The following FRAS1 variants were observed in gnomAD, a reference collection of about 807,000 sequenced individuals.
FRAS1 encodes the protein extracellular matrix organizing protein FRAS1.
In FRAS1, 290 loss-of-function variants were observed where a neutral mutation model predicts 435.2. The observed-to-expected ratio is 0.67, with a 90% CI of 0.61 to 0.73. FRAS1 has a LOEUF of 0.73. Among genes scored for constraint, FRAS1 ranks in the 30% least tolerant of loss-of-function variants. The pLI is 0.00. For synonymous variants in FRAS1, 1,800 were observed against 1,851.0 expected (o/e 0.97, Z 0.71); for missense variants, 4,860 against 5,001.5 (o/e 0.97, Z 0.85).
chr4:78,357,658 T>G (rs1730910718), intron 20 of FRAS1, among the ~76,000 whole-genome samples: 1 of 152,116 alleles, frequency 6.6e-6, no homozygotes. Flanking sequence ...TCCCATCACT[T>G]TGGGAAACCA....
intron 71 of FRAS1, 120 bp downstream of exon 71, chr4:78,534,735 C>G: frequency 1.1e-6 from 1 of 939,494 alleles, no homozygotes; most frequent in East Asian, 2.7e-5. Flanking sequence ...TAAAGATCCC[C>G]CAGGGTTGGT....
chr4:78,256,106 T>C (rs993551291), intron 6 of FRAS1, among the ~76,000 whole-genome samples: 4 of 152,214 alleles, frequency 2.6e-5, no homozygotes, highest in South Asian at 4.1e-4. Context: ...ATTCAGTTGA[T>C]ACAAAGCAGT....
At chr4:78,220,838 A>AT (rs996234710) in intron 2 of FRAS1, among the ~76,000 whole-genome samples, 2 of 152,060 alleles carry the variant, frequency 1.3e-5, no homozygotes, top group African/African-American at 4.8e-5. Context: ...TACTAGTAGC[A>AT]TTTTTTTCTT....
At chr4:78,498,907 G>T (rs1438125908) in intron 60 of FRAS1, among the ~76,000 whole-genome samples, 3 of 151,582 alleles carry the variant, frequency 2.0e-5, no homozygotes, top group Admixed American at 1.3e-4. Flanking sequence ...GAGTGCAGTG[G>T]GGCAATTATG....
At chr4:78,388,781 G>A (rs1033482545) in intron 29 of FRAS1, among the ~76,000 whole-genome samples, 9 of 152,006 alleles carry the variant, frequency 5.9e-5, no homozygotes, top group African/African-American at 1.9e-4. Context: ...GTACTCCAGC[G>A]TGGATGACAG....
rs1722008693 is a variant in FRAS1, at chr4:78,181,659, T to C, written c.109-55851T>C. The C allele has an allele frequency of 5.0e-6, 8 of 1,610,144 alleles. No homozygotes were observed. The East Asian group carries it at 1.8e-4, about 36-fold the overall frequency. ...AATCTTCGTTCACAAGGTGGTTGCC[T>C]TTCTGGTCTTCTATCAATTATTTTC... On this transcript the variant is annotated intron_variant, in intron 2 of 73. Transcript: ENST00000512123.
At chr4:78,494,102 T>C (rs1261026491) in intron 59 of FRAS1, among the ~76,000 whole-genome samples, 1 of 152,204 alleles carries the variant, frequency 6.6e-6, no homozygotes, top group Non-Finnish European at 1.5e-5. Flanking sequence ...ATCTCTTAAC[T>C]TGTATTTCTT....
At chr4:78,178,941 G>A (rs79934256) in intron 2 of FRAS1, among the ~76,000 whole-genome samples, 2,242 of 152,226 alleles carry the variant, frequency 0.015, 44 homozygotes, top group African/African-American at 0.05. Flanking sequence ...CCTAACTACC[G>A]CTGATGCACA....
intron 2 of FRAS1, among the ~76,000 whole-genome samples, chr4:78,207,472 C>T (rs141159118): frequency 6.6e-6 from 1 of 152,214 alleles, no homozygotes; most frequent in Non-Finnish European, 1.5e-5. Context: ...ATCATGGTAC[C>T]TCTACATATT....
intron 2 of FRAS1, among the ~76,000 whole-genome samples, chr4:78,100,720 A>G (rs1742080986): frequency 6.6e-6 from 1 of 152,172 alleles, no homozygotes; most frequent in Non-Finnish European, 1.5e-5. Context: ...TATGTGGCAG[A>G]TCCTGGCTCT....
intron 6 of FRAS1, among the ~76,000 whole-genome samples, chr4:78,258,647 TA>T (rs1344837517): frequency 6.0e-5 from 9 of 148,780 alleles, no homozygotes; most frequent in Non-Finnish European, 1.2e-4. Context: ...AGATATTCTT[TA>T]AATTTTTATT....
At chr4:78,194,804 G>T (rs575654306) in intron 2 of FRAS1, among the ~76,000 whole-genome samples, 6 of 152,118 alleles carry the variant, frequency 3.9e-5, no homozygotes, top group African/African-American at 1.4e-4. Context: ...GCTTTGTTCC[G>T]TTGCTGGTGA....
chr4:78,411,129 G>A (rs952221300), intron 31 of FRAS1, among the ~76,000 whole-genome samples: 5 of 103,778 alleles, frequency 4.8e-5, no homozygotes, highest in African/African-American at 1.7e-4. Flanking sequence ...TTTTTTTTCT[G>A]AGACAGAGTT....
At chr4:78,380,763 A>G (rs535494670) in intron 27 of FRAS1, among the ~76,000 whole-genome samples, 55 of 152,368 alleles carry the variant, frequency 3.6e-4, no homozygotes, top group African/African-American at 1.3e-3. Flanking sequence ...TGACAAGGAC[A>G]CAGTGAGTAT....
intron 6 of FRAS1, among the ~76,000 whole-genome samples, chr4:78,262,230 C>G (rs879862094): frequency 1.3e-5 from 2 of 152,218 alleles, no homozygotes; most frequent in Admixed American, 6.5e-5. Context: ...ATGTCTCTCT[C>G]TGACTGTGAT....
chr4:78,501,753 T>G (rs1271808998), intron 61 of FRAS1, among the ~76,000 whole-genome samples: 4 of 152,214 alleles, frequency 2.6e-5, no homozygotes, highest in Non-Finnish European at 5.9e-5. Context: ...ATTTTGGCTT[T>G]TGTTGCCATT....
At chr4:78,225,824 A>G (rs1724245581) in intron 2 of FRAS1, among the ~76,000 whole-genome samples, 2 of 152,160 alleles carry the variant, frequency 1.3e-5, no homozygotes, top group Non-Finnish European at 2.9e-5. Flanking sequence ...ATGGCTCTCA[A>G]TGTTATTGGA....
At chr4:78,268,712 CA>C (rs1311153653) in intron 9 of FRAS1, among the ~76,000 whole-genome samples, 2 of 152,194 alleles carry the variant, frequency 1.3e-5, no homozygotes, top group Non-Finnish European at 2.9e-5. Flanking sequence ...TTGTTTAGCA[CA>C]TATCCCTAGC....
intron 2 of FRAS1, among the ~76,000 whole-genome samples, chr4:78,094,650 T>G (rs1741703387): frequency 6.6e-6 from 1 of 152,186 alleles, no homozygotes; most frequent in Admixed American, 6.5e-5. Context: ...AGATGTGTAA[T>G]TAATTATTGT....
Sources: allele counts gnomAD v4.1 joint callset (sites outside exome capture counted in the v4.1 genomes callset), GRCh38; gene constraint gnomAD v4.1.1; transcripts MANE v1.5; gene names NCBI Gene and HGNC (gene_info 2026-07-23, HGNC 2026-07-21).